MXRA5: variants seen among roughly 807,000 people sequenced by gnomAD.
The protein encoded by MXRA5 is matrix remodeling associated 5, also known as matrix-remodeling-associated protein 5.
In MXRA5, 41 loss-of-function variants were observed where a neutral mutation model predicts 112.5. That is an observed-to-expected ratio of 0.36 (90% CI 0.28 to 0.47). The LOEUF is 0.47. Ranked by LOEUF, MXRA5 falls within the 20% of genes least tolerant of loss-of-function variation. MXRA5 has a pLI of 0.99. For missense variants in MXRA5, 2,150 were observed against 2,251.0 expected (o/e 0.96, Z 0.91); for synonymous variants, 862 against 900.8 (o/e 0.96, Z 0.77).
chrX:3,316,964 C>T, intron 6 of MXRA5, 139 bp downstream of exon 6: 1 of 752,965 alleles, frequency 1.3e-6, no homozygotes, highest in Non-Finnish European at 1.8e-6. Context: ...GCGTGAGCCA[C>T]CGTGCCCTGC....
At chrX:3,319,977 A>C (rs1569182612) in intron 5 of MXRA5, 31 bp downstream of exon 5, 6 of 1,098,487 alleles carry the variant, frequency 5.5e-6, no homozygotes, top group African/African-American at 1.9e-5. Flanking sequence ...ATTGACCAAA[A>C]AAAAAAAAAG....
intron 2 of MXRA5, among the ~76,000 whole-genome samples, chrX:3,331,834 T>A (rs776160986): frequency 8.9e-5 from 10 of 112,219 alleles, no homozygotes; most frequent in Non-Finnish European, 1.5e-4. Context: ...TTAAACTTGA[T>A]CCCTGGATAA....
At chrX:3,318,279 G>A (rs984853272) in intron 5 of MXRA5, among the ~76,000 whole-genome samples, 1 of 111,279 alleles carries the variant, frequency 9.0e-6, no homozygotes, top group African/African-American at 3.3e-5. Flanking sequence ...AGTAGCTGGG[G>A]CTACAGGTGC....
chrX:3,335,967 T>C (rs1174016982), intron 2 of MXRA5, among the ~76,000 whole-genome samples: 3 of 112,076 alleles, frequency 2.7e-5, no homozygotes, highest in Non-Finnish European at 5.6e-5. Flanking sequence ...CCGGACCAGT[T>C]AGGAACCAAG....
intron 6 of MXRA5, among the ~76,000 whole-genome samples, chrX:3,316,096 G>T (rs1382012159): frequency 1.7e-5 from 1 of 58,107 alleles, no homozygotes; most frequent in African/African-American, 1.1e-4. Context: ...CGGCGGATCA[G>T]GAGGTCAGGA....
chrX:3,320,691 G>A lies in MXRA5; in HGVS notation c.4994C>T (p.Pro1665Leu). The stretch of plus-strand genomic sequence containing the variant: ...AGGAATTGTTGTACTTGATAATCTT[G>A]GAGTTGTAAACTGTTTGTTCTCTGG... ...ALPENKQFTT[P>L]RLSSTTIPLP... Residue 1665 changes from proline to leucine, a missense_variant, in exon 5 of 7, where the codon CCA (proline) becomes CTA (leucine). Physicochemically the swap from Pro to Leu is moderately conservative, Grantham distance 98. Coordinates refer to ENST00000217939, the MANE Select transcript of MXRA5 (RefSeq NM_015419.4). The A allele has an allele frequency of 8.3e-7, 1 of 1,211,681 alleles. No homozygotes were observed. Among genetic ancestry groups the A allele is most frequent in the Non-Finnish European group, 1.1e-6 (1 of 895,256 alleles).
At position 3,309,760 on chromosome X, in the gene MXRA5, T is replaced by C. The variant is rs146527919; in HGVS notation, c.8443A>G (p.Ile2815Val). 14 of 1,210,019 alleles carry C rather than the reference T, an allele frequency of 1.2e-5. No homozygotes were observed. Among genetic ancestry groups the C allele is most frequent in the Non-Finnish European group, 1.2e-5 (11 of 895,257 alleles). ...AGFYKCMAKN[I>V]LGSDSKTTYI... ...GTTGTTTTGGAGTCACTGCCGAGAA[T>C]GTTTTTTGCCATGCACTTGTAGAAG... The change falls in exon 7 of 7, where the codon ATT becomes GTT. Residue 2815 changes from isoleucine (I) to valine (V), a missense_variant. By Grantham distance (29) the Ile-to-Val change is conservative. Coordinates refer to ENST00000217939, the MANE Select transcript of MXRA5 (RefSeq NM_015419.4).
At chrX:3,345,550 C>A (rs1164350159) in intron 1 of MXRA5, among the ~76,000 whole-genome samples, 1 of 112,914 alleles carries the variant, frequency 8.9e-6, no homozygotes, top group Admixed American at 9.3e-5. Context: ...GGCCTCCCAC[C>A]CCGGCACCAA....
chrX:3,323,006 C>T lies in MXRA5; in HGVS notation c.2679G>A (p.Glu893=), dbSNP rs1297320705. The T allele has an allele frequency of 8.3e-7, 1 of 1,211,532 alleles. No homozygotes were observed. The highest frequency in any genetic ancestry group is 1.1e-6 in the Non-Finnish European group (1 of 895,426). The change falls in exon 5 of 7, where the codon GAG becomes GAA. Residue 893 remains glutamate (E), a synonymous_variant. Transcript: ENST00000217939. ...CAGTGGAAGTTATCTCCTCAGTCTT[C>T]TCGGAAAGGTCATCAACAACTTCCT... ...PLEEVVDDLS[E]KTEEITSTEG...
intron 2 of MXRA5, among the ~76,000 whole-genome samples, chrX:3,340,102 G>A (rs1921879305): frequency 9.4e-6 from 1 of 105,940 alleles, no homozygotes; most frequent in Non-Finnish European, 1.9e-5. Flanking sequence ...TGGATGCTAT[G>A]TTGTTGGTTC....
In MXRA5 at chrX:3,324,507, C is replaced by G; in HGVS notation, c.1178G>C (p.Arg393Thr). 2.5e-6 allele frequency: 3 copies of G among 1,211,626 alleles called. No individual in the cohort carries two copies. In the African/African-American group the frequency reaches 5.2e-5, roughly 21 times the overall value. The change falls in exon 5 of 7, where the codon AGA becomes ACA. Residue 393 changes from arginine to threonine, a missense_variant. Arg to Thr is a moderately conservative substitution (Grantham distance 71). This residue lies in a region of MXRA5 where 386 missense variants were observed against 411.0 expected (regional missense o/e 0.94). Coordinates refer to ENST00000217939, the MANE Select transcript of MXRA5 (RefSeq NM_015419.4). Reference sequence around the variant, plus strand: ...GGGGTCTTTGCTGAGCATGAGCTCTCTGTGTAGCTTCACGGGAACTTCACT... The same window carrying G: ...GGGGTCTTTGCTGAGCATGAGCTCTGTGTGTAGCTTCACGGGAACTTCACT... ...YYSEVPVKLH[R>T]ELMLSKDPRV...
At chrX:3,336,707 T>A (rs1420754458) in intron 2 of MXRA5, among the ~76,000 whole-genome samples, 1 of 112,616 alleles carries the variant, frequency 8.9e-6, no homozygotes, top group African/African-American at 3.2e-5. Context: ...TGAATTTTAC[T>A]TTAAAAAATT....
At chrX:3,325,365 G>A (rs149633827) in intron 4 of MXRA5, among the ~76,000 whole-genome samples, 1,824 of 109,080 alleles carry the variant, frequency 0.017, 52 homozygotes, top group African/African-American at 0.057. Flanking sequence ...GCATTTCTTG[G>A]TAAAAGGATG....
At chrX:3,311,653 T>C in intron 6 of MXRA5, 29 bp from the exon 7 acceptor site, 1 of 1,153,375 alleles carries the variant, frequency 8.7e-7, no homozygotes, top group Non-Finnish European at 1.2e-6. Context: ...AGGAGTAAGA[T>C]GTCAGTTTCC....
intron 1 of MXRA5, among the ~76,000 whole-genome samples, chrX:3,344,863 A>T (rs1160184684): frequency 2.7e-5 from 3 of 111,479 alleles, no homozygotes; most frequent in Non-Finnish European, 3.8e-5. Context: ...TCTGTCATCC[A>T]ACACTTTGGG....
intron 2 of MXRA5, among the ~76,000 whole-genome samples, chrX:3,336,784 C>A (rs1388565564): frequency 8.9e-6 from 1 of 112,226 alleles, no homozygotes; most frequent in Admixed American, 9.5e-5. Context: ...AAAACAAGTT[C>A]TAATGCTTTT....
At chrX:3,342,435 A>G (rs1339360080) in intron 2 of MXRA5, among the ~76,000 whole-genome samples, 1 of 112,132 alleles carries the variant, frequency 8.9e-6, no homozygotes, top group Non-Finnish European at 1.9e-5. Context: ...TCCATTACAC[A>G]AGAAATGTGT....
rs754480281 is a variant in MXRA5 at position 3,323,587 on chromosome X, C to T, written c.2098G>A (p.Gly700Arg). The change falls in exon 5 of 7, where the codon GGG becomes AGG. Residue 700 changes from glycine to arginine, a missense_variant. Physicochemically the swap from Gly to Arg is moderately radical, Grantham distance 125. Transcript: ENST00000217939. ...TCTTCATCTCCCATGCCCGAGCCCC[C>T]TTCATCCTCCACGATGTCTTCTCTG... ...RVREDIVEDE[G>R]GSGMGDEENT... The T allele has an allele frequency of 4.1e-6, 5 of 1,210,874 alleles. No homozygotes were observed. In the Admixed American group the frequency reaches 1.1e-4, roughly 26 times the overall value.
chrX:3,329,973 A>G (rs1921624284), intron 4 of MXRA5, 45 bp downstream of exon 4: 1 of 1,155,306 alleles, frequency 8.7e-7, no homozygotes, highest in Non-Finnish European at 1.2e-6. Flanking sequence ...CCAAAAAGAT[A>G]AAAGAATGTG....
Sources: gnomAD v4.1 joint callset for allele counts (sites outside exome capture counted in the v4.1 genomes callset) on GRCh38, gnomAD v4.1.1 for gene constraint, gnomAD v4.1.1 regional missense constraint, MANE v1.5 for transcripts, NCBI Gene and HGNC (gene_info 2026-07-23, HGNC 2026-07-21) for gene names.